The following DLGAP2 variants were observed in gnomAD, a reference collection of about 807,000 sequenced individuals.
The protein encoded by DLGAP2 is disks large-associated protein 2.
In DLGAP2, 26 loss-of-function variants were observed where a neutral mutation model predicts 100.3. The observed-to-expected ratio is 0.26, with a 90% confidence interval of 0.19 to 0.36. The LOEUF is 0.36. DLGAP2 is among the 10% of genes least tolerant of loss of function. The probability of loss-of-function intolerance (pLI) is 1.00; values close to 1 mark genes in which losing one functional copy is unlikely to be tolerated. For missense variants in DLGAP2, 1,858 were observed against 1,453.2 expected (o/e 1.28, Z -4.53); for synonymous variants, 886 against 630.1 (o/e 1.41, Z -6.08).
At chr8:1,185,769 G>T (rs1435924549) in intron 2 of DLGAP2, among the ~76,000 whole-genome samples, 1 of 151,260 alleles carries the variant, frequency 6.6e-6, no homozygotes, top group Non-Finnish European at 1.5e-5. Flanking sequence ...AGGAGATCCA[G>T]TCAGCAGTGC....
chr8:1,658,633 C>G (rs1053341377), intron 8 of DLGAP2, among the ~76,000 whole-genome samples: 1 of 152,024 alleles, frequency 6.6e-6, no homozygotes, highest in Non-Finnish European at 1.5e-5. Flanking sequence ...ATCTGCATAG[C>G]GGTGTTTATA....
At chr8:853,381 G>T (rs1056478282) in intron 1 of DLGAP2, among the ~76,000 whole-genome samples, 4 of 152,218 alleles carry the variant, frequency 2.6e-5, no homozygotes, top group Non-Finnish European at 4.4e-5. Context: ...TGAGAGACAC[G>T]GTGCCCAGGG....
chr8:1,291,529 G>A (rs1800060056), intron 3 of DLGAP2, among the ~76,000 whole-genome samples: 1 of 152,156 alleles, frequency 6.6e-6, no homozygotes, highest in Non-Finnish European at 1.5e-5. Context: ...ATGACACAGA[G>A]GGTTTTGTGG....
chr8:1,026,005 C>G (rs1344484509), intron 2 of DLGAP2, among the ~76,000 whole-genome samples: 1 of 152,218 alleles, frequency 6.6e-6, no homozygotes, highest in Non-Finnish European at 1.5e-5. Flanking sequence ...TGAAGCTGCA[C>G]CAGGGATTCC....
chr8:796,508 T>C (rs1311785273), intron 1 of DLGAP2, among the ~76,000 whole-genome samples: 1 of 152,192 alleles, frequency 6.6e-6, no homozygotes, highest in African/African-American at 2.4e-5. Flanking sequence ...TGTGGCCTGC[T>C]CTGTTCTCTC....
chr8:858,598 C>T (rs543727027), intron 1 of DLGAP2, among the ~76,000 whole-genome samples: 117 of 137,456 alleles, frequency 8.5e-4, no homozygotes, highest in African/African-American at 1.2e-3. Flanking sequence ...ACGCTGTCAC[C>T]GTGGGCACGT....
chr8:879,006 G>T (rs1377941710), intron 1 of DLGAP2, among the ~76,000 whole-genome samples: 1 of 152,202 alleles, frequency 6.6e-6, no homozygotes, highest in South Asian at 2.1e-4. Flanking sequence ...TCTGGTCTGG[G>T]CTCAATGAAG....
chr8:1,697,030 T>C (rs1055869875), intron 13 of DLGAP2, 117 bp from the exon 14 acceptor site: 20 of 1,125,678 alleles, frequency 1.8e-5, no homozygotes, highest in Non-Finnish European at 2.1e-5. Flanking sequence ...AGGCTGGAAT[T>C]AGCCAGGCTT....
At chr8:1,155,924 G>A (rs893574332) in intron 2 of DLGAP2, among the ~76,000 whole-genome samples, 4 of 152,214 alleles carry the variant, frequency 2.6e-5, no homozygotes, top group Non-Finnish European at 5.9e-5. Flanking sequence ...GGCCGAGGGA[G>A]CTTCGGGGCT....
chr8:1,154,774 T>G (rs9693573), intron 2 of DLGAP2, among the ~76,000 whole-genome samples: 4,770 of 152,130 alleles, frequency 0.031, 267 homozygotes, highest in African/African-American at 0.11. Context: ...CCCTCTATAG[T>G]CCTGCCGTCC....
intron 1 of DLGAP2, among the ~76,000 whole-genome samples, chr8:846,706 T>C (rs1412863333): frequency 6.6e-6 from 1 of 152,212 alleles, no homozygotes; most frequent in Non-Finnish European, 1.5e-5. Flanking sequence ...TTTAGGAACC[T>C]TGATACTGTT....
chr8:814,527 C>T (rs557688906), intron 1 of DLGAP2, among the ~76,000 whole-genome samples: 7 of 152,144 alleles, frequency 4.6e-5, no homozygotes, highest in African/African-American at 1.4e-4. Context: ...ATCCCATAAA[C>T]CAATATGCTA....
At chr8:1,334,769 A>T (rs1380586788) in intron 3 of DLGAP2, among the ~76,000 whole-genome samples, 1 of 152,184 alleles carries the variant, frequency 6.6e-6, no homozygotes, top group Admixed American at 6.5e-5. Context: ...CCGAGAAGCC[A>T]TAATGTAACA....
intron 2 of DLGAP2, among the ~76,000 whole-genome samples, chr8:1,108,901 G>A (rs536732142): frequency 7.2e-6 from 1 of 138,186 alleles, no homozygotes; most frequent in Non-Finnish European, 1.6e-5. Flanking sequence ...AGGTGTGCAC[G>A]TGCCTATGAA....
intron 1 of DLGAP2, among the ~76,000 whole-genome samples, chr8:793,780 A>G (rs1795969907): frequency 1.3e-5 from 2 of 152,110 alleles, no homozygotes; most frequent in South Asian, 2.1e-4. Flanking sequence ...TGTTGGATGT[A>G]TTTTTGATTT....
At chr8:913,766 C>T (rs1313561644) in intron 2 of DLGAP2, among the ~76,000 whole-genome samples, 1 of 152,244 alleles carries the variant, frequency 6.6e-6, no homozygotes, top group East Asian at 1.9e-4. Context: ...TGCGCTAAGT[C>T]AGTATGTGAT....
chr8:764,553 G>T (rs895371070), intron 1 of DLGAP2, among the ~76,000 whole-genome samples: 1 of 152,222 alleles, frequency 6.6e-6, no homozygotes, highest in Non-Finnish European at 1.5e-5. Context: ...GGCTGATTTT[G>T]TGGTCTAGCC....
chr8:1,557,288 G>T (rs887588648), intron 5 of DLGAP2, among the ~76,000 whole-genome samples: 3 of 152,152 alleles, frequency 2.0e-5, no homozygotes, highest in East Asian at 1.9e-4. Flanking sequence ...CAGCCGGGGG[G>T]CTCACAATAG....
intron 2 of DLGAP2, among the ~76,000 whole-genome samples, chr8:1,156,530 C>T (rs1009561314): frequency 2.0e-5 from 3 of 151,910 alleles, no homozygotes; most frequent in Non-Finnish European, 2.9e-5. Flanking sequence ...TTAGGAGTGG[C>T]CCCGACTCCC....
Sources: allele counts gnomAD v4.1 joint callset (sites outside exome capture counted in the v4.1 genomes callset), GRCh38; gene constraint gnomAD v4.1.1; transcripts MANE v1.5; gene names NCBI Gene and HGNC (gene_info 2026-07-23, HGNC 2026-07-21).